Variants in HEATR5A observed in about 807,000 individuals in gnomAD.
HEATR5A encodes HEAT repeat-containing protein 5A.
HEATR5A carries 178 observed loss-of-function variants against 218.8 expected under a neutral mutation model. The ratio of observed to expected loss-of-function variants is 0.81; its 90% CI spans 0.72 to 0.92. The LOEUF is 0.92. Ranked by LOEUF, HEATR5A falls within the 40% of genes least tolerant of loss-of-function variation. HEATR5A has a pLI of 0.00. For synonymous variants in HEATR5A, 864 were observed against 871.6 expected, an observed-to-expected ratio of 0.99 and a Z score of 0.15; for missense variants, 2,420 against 2,418.9, an observed-to-expected ratio of 1.00 and a Z score of -0.01.
At chr14:31,409,978 T>A (rs1429142106) in intron 1 of HEATR5A, among the ~76,000 whole-genome samples, 1 of 152,192 alleles carries the variant, frequency 6.6e-6, no homozygotes, top group Non-Finnish European at 1.5e-5. Flanking sequence ...AATGATTATA[T>A]CATTTCAAGG....
In HEATR5A at chr14:31,349,772, A is replaced by AT; in HGVS notation, c.2708+16dup. Reference sequence around the variant, plus strand: ...TTGAAACATAGCCTCTGAATATTAAATAAGAAATTCACTTACTTGTCAAAG... The same window carrying AT: ...TTGAAACATAGCCTCTGAATATTAAATTAAGAAATTCACTTACTTGTCAAAG... On this transcript the variant is annotated intron_variant, in intron 18 of 35. Coordinates refer to ENST00000543095, the MANE Select transcript of HEATR5A (RefSeq NM_015473.4). 1 of 1,576,844 alleles carries AT rather than the reference A, an allele frequency of 6.3e-7. No individual in the cohort carries two copies. Among genetic ancestry groups the AT allele is most frequent in the Admixed American group, 1.7e-5 (1 of 59,212 alleles).
At chr14:31,410,654 G>C (rs1398010712) in intron 1 of HEATR5A, among the ~76,000 whole-genome samples, 1 of 152,168 alleles carries the variant, frequency 6.6e-6, no homozygotes, top group Admixed American at 6.5e-5. Flanking sequence ...TAGTTTTAGG[G>C]TAAAATGGAT....
chr14:31,332,700 G>C (rs1206424189), intron 22 of HEATR5A, among the ~76,000 whole-genome samples: 1 of 152,040 alleles, frequency 6.6e-6, no homozygotes, highest in Non-Finnish European at 1.5e-5. Flanking sequence ...TAGTGATCTG[G>C]ACAGAAGTTC....
In HEATR5A at chr14:31,395,857, T is replaced by TTA. The variant is rs534684558; in HGVS notation, c.448-511_448-510dup. 7.9e-5 allele frequency among the ~76,000 whole-genome samples: 12 copies of TTA among 152,364 alleles called. No individual in the cohort carries two copies. The East Asian group carries it at 2.1e-3, about 27-fold the overall frequency. ...TAGATTTGGTAGCTATACTTTGTTA[T>TTA]TATTTATTGGTTGGAACAGCTTAAC... On this transcript the variant is annotated intron_variant, in intron 4 of 35. Coordinates refer to ENST00000543095, the MANE Select transcript of HEATR5A (RefSeq NM_015473.4).
At chr14:31,299,121 A>G (rs1428771443) in intron 33 of HEATR5A, among the ~76,000 whole-genome samples, 2 of 152,188 alleles carry the variant, frequency 1.3e-5, no homozygotes, top group Non-Finnish European at 2.9e-5. Context: ...GGTTACACTG[A>G]CAGCTCCCAA....
intron 12 of HEATR5A, among the ~76,000 whole-genome samples, chr14:31,374,173 G>C (rs1902139746): frequency 6.6e-6 from 1 of 151,886 alleles, no homozygotes; most frequent in African/African-American, 2.4e-5. Flanking sequence ...GGGCATGGTG[G>C]CATGCACCTG....
At position 31,313,172 on chromosome 14, in the gene HEATR5A, G is replaced by A; in HGVS notation, c.4237C>T (p.Gln1413Ter). ...GGTTGTCTGTGGTTTTTATGTCTTT[G>A]CACAGCAATTATGTAGACCTGTTAA... is the stretch of plus-strand genomic sequence containing the variant. ...AWAEVYIIAV[Q>*]RHKNHRQPLK... Residue 1413 changes from glutamine (Q) to a stop codon, truncating the protein, a stop_gained, in exon 28 of 36, where the codon CAA (glutamine) becomes TAA (stop). Coordinates refer to ENST00000543095, the MANE Select transcript of HEATR5A (RefSeq NM_015473.4). LOFTEE classifies it high-confidence loss of function. The A allele has an allele frequency of 6.2e-7, 1 of 1,612,676 alleles. No homozygotes were observed. Among genetic ancestry groups the A allele is most frequent in the African/African-American group, 1.3e-5 (1 of 75,010 alleles).
chr14:31,331,264 T>C (rs1164134186), intron 22 of HEATR5A, among the ~76,000 whole-genome samples: 1 of 152,048 alleles, frequency 6.6e-6, no homozygotes, highest in African/African-American at 2.4e-5. Context: ...AAACATAAAT[T>C]CCAATTTCAG....
Position 31,345,151 on chromosome 14 carries a change from T to C in HEATR5A, c.2994A>G (p.Glu998=). 2 of 1,613,986 alleles carry C rather than the reference T, an allele frequency of 1.2e-6. No individual in the cohort carries two copies. The highest frequency in any genetic ancestry group is 1.7e-6 in the Non-Finnish European group (2 of 1,179,888). ...AACAGCGACCAAGGCTTTGGTGAAC[T>C]TCAGCATGAGTAGGAGGCACATTTA... ...LLLNVPPTHA[E]VHQSLGRCLN... is the part of the protein sequence containing the mutation. The change falls in exon 20 of 36, where the codon GAA becomes GAG. Residue 998 remains glutamate, a synonymous_variant. Coordinates refer to ENST00000543095, the MANE Select transcript of HEATR5A (RefSeq NM_015473.4).
At chr14:31,305,282 A>G in intron 31 of HEATR5A, 105 bp from the exon 32 acceptor site, 1 of 1,209,656 alleles carries the variant, frequency 8.3e-7, no homozygotes, top group Non-Finnish European at 1.2e-6. Context: ...TATTTTTTTG[A>G]GACAGAGTCT....
At chr14:31,339,346 A>G (rs1167815555) in intron 21 of HEATR5A, among the ~76,000 whole-genome samples, 1 of 146,394 alleles carries the variant, frequency 6.8e-6, no homozygotes, top group Non-Finnish European at 1.5e-5. Flanking sequence ...GCTACTGGAG[A>G]GGCTGAGGCA....
At chr14:31,379,717 G>A (rs2029905921) in intron 11 of HEATR5A, among the ~76,000 whole-genome samples, 1 of 152,114 alleles carries the variant, frequency 6.6e-6, no homozygotes, top group Admixed American at 6.6e-5. Flanking sequence ...ACTTTGGGAG[G>A]CCAAGGCGGA....
intron 28 of HEATR5A, among the ~76,000 whole-genome samples, chr14:31,310,377 T>C (rs1307018858): frequency 2.6e-5 from 4 of 152,148 alleles, no homozygotes; most frequent in Admixed American, 6.6e-5. Flanking sequence ...CAGTGGCTCA[T>C]GCCTGTAATC....
chr14:31,384,663 A>T (rs1256142735), intron 9 of HEATR5A, among the ~76,000 whole-genome samples: 1 of 151,654 alleles, frequency 6.6e-6, no homozygotes. Context: ...AGCAGCTAGG[A>T]TCCCAAGTGC....
intron 1 of HEATR5A, among the ~76,000 whole-genome samples, chr14:31,419,328 T>G (rs1165614646): frequency 6.6e-6 from 1 of 152,192 alleles, no homozygotes; most frequent in African/African-American, 2.4e-5. Context: ...AAATCTCGGC[T>G]TCGATACTTT....
chr14:31,397,121 G>A (rs1188301409), intron 4 of HEATR5A, among the ~76,000 whole-genome samples: 1 of 152,048 alleles, frequency 6.6e-6, no homozygotes, highest in Non-Finnish European at 1.5e-5. Flanking sequence ...TCAGTTTTAC[G>A]TTAGAGTCTT....
intron 30 of HEATR5A, 40 bp from the exon 31 acceptor site, chr14:31,306,919 T>C: frequency 6.8e-7 from 1 of 1,462,326 alleles, no homozygotes; most frequent in Admixed American, 2.3e-5. Flanking sequence ...TATTAGAAAT[T>C]ATACATTTCT....
chr14:31,398,828 GA>G (rs1309846950), intron 3 of HEATR5A, 47 bp from the exon 4 acceptor site: 7 of 1,024,874 alleles, frequency 6.8e-6, no homozygotes, highest in African/African-American at 1.6e-5. Flanking sequence ...GAAAAAATAG[GA>G]ATAAAAAGAT....
rs1385569109 is a variant in HEATR5A, at chr14:31,292,978, A to G, written c.*327T>C. 2 of 223,450 alleles carry G rather than the reference A, an allele frequency of 9.0e-6. No homozygotes were observed. The highest frequency in any genetic ancestry group is 4.6e-5 in the African/African-American group (2 of 43,324). The allele number at this position is 223,450 out of a possible 1,614,324, so 13.8% of individuals were successfully genotyped here. A position where few individuals can be genotyped will look rare whatever the true frequency, so the allele number is the denominator to read the frequency against. On this transcript the variant is annotated 3_prime_UTR_variant, in exon 36 of 36. Transcript: ENST00000543095. ...TCTGTCACAGTATTAAGTATACCACATATGTATGGACTGTTAGAAGAAATT... is the reference window on the plus strand; with the variant it reads ...TCTGTCACAGTATTAAGTATACCACGTATGTATGGACTGTTAGAAGAAATT...
Sources: allele counts gnomAD v4.1 joint callset (sites outside exome capture counted in the v4.1 genomes callset), GRCh38; gene constraint gnomAD v4.1.1; transcripts MANE v1.5; gene names NCBI Gene and HGNC (gene_info 2026-07-23, HGNC 2026-07-21).